The following CRIM1 variants were observed in gnomAD, a reference collection of about 807,000 sequenced individuals.
The protein encoded by CRIM1 is cysteine rich transmembrane BMP regulator 1, also known as cysteine-rich motor neuron 1 protein.
A neutral mutation model predicts 116.4 loss-of-function variants in CRIM1; 32 were observed. The observed-to-expected ratio is 0.27, with a 90% CI of 0.21 to 0.37. CRIM1 has a LOEUF of 0.37. Ranked by LOEUF, CRIM1 falls within the 10% of genes least tolerant of loss-of-function variation. The pLI is 1.00. For missense variants in CRIM1, 1,331 were observed against 1,354.8 expected (o/e 0.98, Z 0.28); for synonymous variants, 590 against 509.2 (o/e 1.16, Z -2.13).
At chr2:36,428,251 C>T (rs848504) in intron 2 of CRIM1, among the ~76,000 whole-genome samples, 66,576 of 152,016 alleles carry the variant, frequency 0.44, 14,973 homozygotes, top group East Asian at 0.76. Context: ...AGGTAAATGA[C>T]CCTTGGGCAA....
chr2:36,437,311 C>T (rs1300309520), intron 2 of CRIM1, among the ~76,000 whole-genome samples: 2 of 151,752 alleles, frequency 1.3e-5, no homozygotes, highest in Non-Finnish European at 2.9e-5. Context: ...GGAGGCAGAG[C>T]TTGCAGTGAA....
intron 2 of CRIM1, among the ~76,000 whole-genome samples, chr2:36,433,044 G>A (rs1017808320): frequency 6.6e-6 from 1 of 152,190 alleles, no homozygotes; most frequent in South Asian, 2.1e-4. Flanking sequence ...AGGTCTGGTG[G>A]GCCTTAGAAT....
chr2:36,539,245 G>C (rs1223789930), intron 14 of CRIM1, among the ~76,000 whole-genome samples: 1 of 152,196 alleles, frequency 6.6e-6, no homozygotes, highest in Non-Finnish European at 1.5e-5. Context: ...CAGAATTGCA[G>C]TTCTCATGGG....
intron 1 of CRIM1, among the ~76,000 whole-genome samples, chr2:36,391,580 A>G (rs1008861058): frequency 2.6e-5 from 4 of 152,154 alleles, no homozygotes; most frequent in Admixed American, 6.5e-5. Flanking sequence ...GTTCCACGGT[A>G]ACTGTTAGAA....
At chr2:36,439,302 C>G (rs1228456468) in intron 2 of CRIM1, among the ~76,000 whole-genome samples, 1 of 152,192 alleles carries the variant, frequency 6.6e-6, no homozygotes, top group Non-Finnish European at 1.5e-5. Context: ...AGTGCCTTTC[C>G]AACCTCCTCC....
At chr2:36,414,701 C>T (rs57947134) in intron 2 of CRIM1, among the ~76,000 whole-genome samples, 1 of 152,022 alleles carries the variant, frequency 6.6e-6, no homozygotes, top group Non-Finnish European at 1.5e-5. Flanking sequence ...AGTGAACTTG[C>T]CCATGTTCAG....
intron 14 of CRIM1, among the ~76,000 whole-genome samples, chr2:36,539,556 A>C (rs1424762479): frequency 6.6e-6 from 1 of 152,196 alleles, no homozygotes; most frequent in Non-Finnish European, 1.5e-5. Flanking sequence ...GGTTGAACAT[A>C]GACTGTGGGG....
At chr2:36,520,992 G>T (rs940433459) in intron 12 of CRIM1, among the ~76,000 whole-genome samples, 2 of 152,192 alleles carry the variant, frequency 1.3e-5, no homozygotes, top group African/African-American at 4.8e-5. Flanking sequence ...TAGGGCTGTC[G>T]TGGCTGTGTC....
At chr2:36,505,375 T>TTG in intron 8 of CRIM1, among the ~76,000 whole-genome samples, 1 of 149,604 alleles carries the variant, frequency 6.7e-6, no homozygotes, top group Non-Finnish European at 1.5e-5. Flanking sequence ...GTTCCTACCA[T>TTG]ATATTTCTGG....
intron 5 of CRIM1, among the ~76,000 whole-genome samples, chr2:36,466,818 T>C (rs1220166284): frequency 6.6e-6 from 1 of 152,250 alleles, no homozygotes; most frequent in African/African-American, 2.4e-5. Context: ...TTTACTGCCC[T>C]ACACTTTAAT....
chr2:36,512,409 A>G lies in CRIM1; in HGVS notation c.1780+15A>G. 1.3e-6 allele frequency: 2 copies of G among 1,598,430 alleles called. No individual in the cohort carries two copies. The highest frequency in any genetic ancestry group is 1.7e-6 in the Non-Finnish European group (2 of 1,167,422). On this transcript the variant is annotated intron_variant, in intron 10 of 16. Coordinates refer to ENST00000280527, the MANE Select transcript of CRIM1 (RefSeq NM_016441.3). ...CAAGTGCAGAGGTAAGTGTGTACAC[A>G]TGGCCCTTCCCCCTCAAAGCAGCCA...
chr2:36,372,094 G>A (rs1465554242), intron 1 of CRIM1, among the ~76,000 whole-genome samples: 1 of 152,188 alleles, frequency 6.6e-6, no homozygotes, highest in Non-Finnish European at 1.5e-5. Flanking sequence ...ACTGCTTCAG[G>A]TGATCTCCAG....
intron 5 of CRIM1, among the ~76,000 whole-genome samples, chr2:36,470,627 G>T (rs562238900): frequency 6.6e-6 from 1 of 152,270 alleles, no homozygotes; most frequent in East Asian, 1.9e-4. Context: ...CTCAGAAAAA[G>T]AGATTTCTTC....
intron 7 of CRIM1, among the ~76,000 whole-genome samples, chr2:36,492,724 G>T (rs934904902): frequency 6.6e-6 from 1 of 152,066 alleles, no homozygotes; most frequent in African/African-American, 2.4e-5. Context: ...CAGTTTTATG[G>T]CCCTGGCTAG....
chr2:36,379,358 G>A (rs1670556402), intron 1 of CRIM1: 1 of 152,060 alleles, frequency 6.6e-6, no homozygotes, highest in Non-Finnish European at 1.5e-5. Context: ...AAACTGAAGT[G>A]GTCCATTTAA....
At chr2:36,465,689 A>C (rs1288497675) in intron 5 of CRIM1, among the ~76,000 whole-genome samples, 1 of 152,188 alleles carries the variant, frequency 6.6e-6, no homozygotes, top group East Asian at 1.9e-4. Flanking sequence ...GTTAAGAAAG[A>C]ACACAGACTA....
At chr2:36,537,195 A>C (rs1302546309) in intron 13 of CRIM1, among the ~76,000 whole-genome samples, 157 bp from the exon 14 acceptor site, 1 of 152,224 alleles carries the variant, frequency 6.6e-6, no homozygotes, top group African/African-American at 2.4e-5. Flanking sequence ...GGTCCTCCTA[A>C]GGAAATGAAA....
rs3770867 is a variant in CRIM1 at position 36,462,882 on chromosome 2, A to C, written c.870-1652A>C. On this transcript the variant is annotated intron_variant, in intron 4 of 16. Transcript: ENST00000280527. ...ATGGCTAGGGATATAAGCGTGACAA[A>C]GTATGGGATGACCTTATCAGGCACT... Among the ~76,000 whole-genome samples, 8 of 152,346 alleles carry C rather than the reference A, an allele frequency of 5.3e-5. No homozygotes were observed. The East Asian group carries it at 1.3e-3, about 26-fold the overall frequency.
Position 36,548,679 on chromosome 2 carries a change from A to G in CRIM1, c.3089A>G (p.Asp1030Gly), listed in dbSNP as rs764698768. 11 of 1,597,096 alleles carry G rather than the reference A, an allele frequency of 6.9e-6. No homozygotes were observed. Among genetic ancestry groups the G allele is most frequent in the Admixed American group, 1.8e-5 (1 of 55,212 alleles). The change falls in exon 17 of 17, where the codon GAC becomes GGC. Residue 1030 changes from aspartate (D) to glycine (G), a missense_variant. By Grantham distance (94) the Asp-to-Gly change is moderately conservative. Coordinates refer to ENST00000280527, the MANE Select transcript of CRIM1 (RefSeq NM_016441.3). ...CAAAAACAGAACCATCTACAGGCAG[A>G]CAATTTCTACCAAACAGTGTGAAGA... ...SMQKQNHLQA[D>G]NFYQTV
Sources: gnomAD v4.1 joint callset for allele counts (sites outside exome capture counted in the v4.1 genomes callset) on GRCh38, gnomAD v4.1.1 for gene constraint, MANE v1.5 for transcripts, NCBI Gene and HGNC (gene_info 2026-07-23, HGNC 2026-07-21) for gene names.